ABCA13: variants seen among roughly 807,000 people sequenced by gnomAD.
ABCA13 encodes ATP-binding cassette sub-family A member 13.
A neutral mutation model predicts 478.7 loss-of-function variants in ABCA13; 476 were observed. The ratio of observed to expected loss-of-function variants is 0.99; its 90% CI spans 0.92 to 1.07. The LOEUF is 1.07. ABCA13 is among the 50% of genes least tolerant of loss of function. ABCA13 has a pLI of 0.00. For missense variants in ABCA13, 6,060 were observed against 5,910.6 expected, an observed-to-expected ratio of 1.03 and a Z score of -0.83; for synonymous variants, 2,252 against 2,158.9, an observed-to-expected ratio of 1.04 and a Z score of -1.20.
In ABCA13 at chr7:48,297,147, G is replaced by A. The variant is rs1257516298; in HGVS notation, c.9120-85G>A. 3.0e-5 allele frequency: 33 copies of A among 1,108,380 alleles called. No homozygotes were observed. The East Asian group carries it at 8.3e-4, about 28-fold the overall frequency. 68.7% of individuals were successfully genotyped at this position (1,108,380 alleles called of 1,614,324 possible). Reference sequence around the variant, plus strand: ...GATCTTGTTATCCAGTCCATCTCTTGGGAGCTGAGGCAGTATTATTCATTC... The same window carrying A: ...GATCTTGTTATCCAGTCCATCTCTTAGGAGCTGAGGCAGTATTATTCATTC... On this transcript the variant is annotated intron_variant, in intron 21 of 61. Coordinates refer to ENST00000435803, the MANE Select transcript of ABCA13 (RefSeq NM_152701.5).
intron 15 of ABCA13, among the ~76,000 whole-genome samples, chr7:48,251,797 A>G (rs1160651910): frequency 6.6e-6 from 1 of 151,968 alleles, no homozygotes; most frequent in Non-Finnish European, 1.5e-5. Flanking sequence ...TACTTTTAAG[A>G]CAATAAATTT....
In ABCA13 at chr7:48,329,165, AATAC is replaced by A. The variant is rs1406489357; in HGVS notation, c.10000-6256_10000-6253del. Among the ~76,000 whole-genome samples, 15 of 152,210 alleles carry A rather than the reference AATAC, an allele frequency of 9.9e-5. 1 individual carries two copies. Among genetic ancestry groups the A allele is most frequent in the Admixed American group, 9.8e-4 (15 of 15,286 alleles). Reference sequence around the variant, plus strand: ...GGATAGTATGAGTGAAGAAAAACAGAATACCAACATAATGCATCTGTTTTTGTAA... The same window carrying A: ...GGATAGTATGAGTGAAGAAAAACAGACAACATAATGCATCTGTTTTTGTAA... On this transcript the variant is annotated intron_variant, in intron 27 of 61. Coordinates refer to ENST00000435803, the MANE Select transcript of ABCA13 (RefSeq NM_152701.5).
chr7:48,524,269 C>T lies in ABCA13; in HGVS notation c.14073C>T (p.Gly4691=), dbSNP rs776274432. ...CCAGGGGTCATTCTACTCTCCAAGG[C>T]ACAGTCAAATCTTCTAAGGATACAG... is the stretch of plus-strand genomic sequence containing the variant. ...RWPRGHSTLQ[G]TVKSSKDTDV... is the part of the protein sequence containing the mutation. The change falls in exon 54 of 62, where the codon GGC becomes GGT. Residue 4691 remains glycine (G), a synonymous_variant. Transcript: ENST00000435803. 1.9e-6 allele frequency: 3 copies of T among 1,611,834 alleles called. No homozygotes were observed. Among genetic ancestry groups the T allele is most frequent in the African/African-American group, 2.7e-5 (2 of 74,840 alleles).
chr7:48,335,900 C>T (rs964334551), intron 28 of ABCA13, among the ~76,000 whole-genome samples: 5 of 152,050 alleles, frequency 3.3e-5, no homozygotes, highest in Non-Finnish European at 5.9e-5. Context: ...TTAAAAGGAA[C>T]GACTTACAGT....
chr7:48,229,754 A>G, intron 6 of ABCA13, 71 bp from the exon 7 acceptor site: 1 of 1,579,888 alleles, frequency 6.3e-7, no homozygotes, highest in Non-Finnish European at 8.7e-7. Flanking sequence ...GATGTAAGTA[A>G]ACCTAGAATT....
chr7:48,239,355 G>A lies in ABCA13; in HGVS notation c.1012G>A (p.Ala338Thr). 6.2e-7 allele frequency: 1 copy of A among 1,613,878 alleles called. No homozygotes were observed. Among genetic ancestry groups the A allele is most frequent in the Non-Finnish European group, 8.5e-7 (1 of 1,179,832 alleles). The change falls in exon 9 of 62, where the codon GCC becomes ACC. Residue 338 changes from alanine (A) to threonine (T), a missense_variant. Ala to Thr is a moderately conservative substitution (Grantham distance 58, BLOSUM62 0). Around this residue, in one of 3 missense-constraint regions of ABCA13, gnomAD observed 4,423 missense variants for 4,309.1 expected, o/e 1.03. Coordinates refer to ENST00000435803, the MANE Select transcript of ABCA13 (RefSeq NM_152701.5). ...VGGCHPKWSE[A>T]KNYLVHAVSW... The stretch of plus-strand genomic sequence containing the variant: ...AGGCTGCCACCCTAAGTGGTCAGAA[G>A]CCAAAAACTATCTTGTCCATGCAGT...
intron 25 of ABCA13, among the ~76,000 whole-genome samples, 155 bp from the exon 26 acceptor site, chr7:48,314,077 C>A (rs1802181637): frequency 6.6e-6 from 1 of 151,742 alleles, no homozygotes; most frequent in African/African-American, 2.4e-5. Flanking sequence ...AAATGGTATC[C>A]CAAGGACAGA....
intron 41 of ABCA13, among the ~76,000 whole-genome samples, chr7:48,424,292 G>A: frequency 6.6e-6 from 1 of 152,164 alleles, no homozygotes; most frequent in East Asian, 1.9e-4. Flanking sequence ...AAATGAAAGA[G>A]AGTTTACGTT....
At chr7:48,585,859 TA>T (rs1401715780) in intron 56 of ABCA13, among the ~76,000 whole-genome samples, 9 of 152,306 alleles carry the variant, frequency 5.9e-5, no homozygotes, top group African/African-American at 2.2e-4. Context: ...GGAAAATTTT[TA>T]AATTATGCTA....
At chr7:48,222,538 T>A (rs1787521499) in intron 5 of ABCA13, among the ~76,000 whole-genome samples, 1 of 152,178 alleles carries the variant, frequency 6.6e-6, no homozygotes, top group African/African-American at 2.4e-5. Context: ...TTTCCCAAAG[T>A]AAGATAAGTT....
At position 48,516,807 on chromosome 7, in the gene ABCA13, A is replaced by G; in HGVS notation, c.13723A>G (p.Asn4575Asp). Residue 4575 changes from asparagine to aspartate, a missense_variant, in exon 52 of 62, where the codon AAC (asparagine) becomes GAC (aspartate). Coordinates refer to ENST00000435803, the MANE Select transcript of ABCA13 (RefSeq NM_152701.5). Reference sequence around the variant, plus strand: ...GGCTTTCATTTCCTATGTCTCACTAAACTTCATCTTTGGCCTTTGTACCAT... The same window carrying G: ...GGCTTTCATTTCCTATGTCTCACTAGACTTCATCTTTGGCCTTTGTACCAT... Reference protein sequence around the residue: ...DVAFISYVSLNFIFGLCTMLI... With the variant: ...DVAFISYVSLDFIFGLCTMLI... 1 of 1,613,786 alleles carries G rather than the reference A, an allele frequency of 6.2e-7. No homozygotes were observed. The highest frequency in any genetic ancestry group is 8.5e-7 in the Non-Finnish European group (1 of 1,179,762).
chr7:48,283,154 A>C (rs1797275726), intron 19 of ABCA13, among the ~76,000 whole-genome samples: 1 of 151,992 alleles, frequency 6.6e-6, no homozygotes, highest in South Asian at 2.1e-4. Context: ...GGCACAGTGG[A>C]CGTATTCCCA....
At chr7:48,178,015 A>T (rs942513210) in intron 1 of ABCA13, among the ~76,000 whole-genome samples, 2 of 152,206 alleles carry the variant, frequency 1.3e-5, no homozygotes, top group Non-Finnish European at 2.9e-5. Flanking sequence ...AATTAATAAA[A>T]GCAAACCTCC....
chr7:48,334,432 T>A (rs1251826967), intron 27 of ABCA13, among the ~76,000 whole-genome samples: 6 of 152,006 alleles, frequency 3.9e-5, no homozygotes, highest in Non-Finnish European at 7.4e-5. Context: ...CCTCCCGGGT[T>A]CATGCCATTC....
At chr7:48,490,605 C>T (rs774388904) in intron 48 of ABCA13, among the ~76,000 whole-genome samples, 4 of 152,118 alleles carry the variant, frequency 2.6e-5, no homozygotes, top group African/African-American at 4.8e-5. Context: ...TGACTGAGGT[C>T]AGAAAGCCAT....
chr7:48,305,100 G>A (rs936408181), intron 23 of ABCA13, among the ~76,000 whole-genome samples: 11 of 152,168 alleles, frequency 7.2e-5, no homozygotes, highest in African/African-American at 2.7e-4. Flanking sequence ...TCATTTTTGA[G>A]CACTTATATA....
intron 42 of ABCA13, among the ~76,000 whole-genome samples, chr7:48,435,868 C>G (rs1300410411): frequency 6.7e-6 from 1 of 149,630 alleles, no homozygotes; most frequent in East Asian, 1.9e-4. Flanking sequence ...TAAATCCTCC[C>G]TTGTCATGAT....
chr7:48,465,222 T>C (rs1386382627), intron 43 of ABCA13, among the ~76,000 whole-genome samples: 5 of 152,172 alleles, frequency 3.3e-5, no homozygotes, highest in Non-Finnish European at 7.4e-5. Flanking sequence ...GTCAGATTGG[T>C]ATGTTAGAAG....
intron 58 of ABCA13, among the ~76,000 whole-genome samples, chr7:48,606,393 G>T (rs1441329652): frequency 1.3e-5 from 2 of 152,106 alleles, no homozygotes; most frequent in Non-Finnish European, 1.5e-5. Context: ...CTTCAGATGT[G>T]GTCTCTGAGT....
Sources: gnomAD v4.1 joint callset for allele counts (sites outside exome capture counted in the v4.1 genomes callset) on GRCh38, gnomAD v4.1.1 for gene constraint, gnomAD v4.1.1 regional missense constraint, MANE v1.5 for transcripts, NCBI Gene and HGNC (gene_info 2026-07-23, HGNC 2026-07-21) for gene names.